The following WNK1 variants were observed in gnomAD, a reference collection of about 807,000 sequenced individuals.
WNK1 encodes WNK lysine deficient protein kinase 1, also known as serine/threonine-protein kinase WNK1.
Under a neutral mutation model 222.8 loss-of-function variants are expected in WNK1, and 38 were observed. The observed-to-expected ratio is 0.17, with a 90% CI of 0.13 to 0.22. The LOEUF is 0.22. Ranked by LOEUF, WNK1 falls within the 10% of genes least tolerant of loss-of-function variation. The pLI is 1.00. For missense variants in WNK1, 2,348 were observed against 2,918.4 expected (o/e 0.80, Z 4.50); for synonymous variants, 1,090 against 1,092.9 (o/e 1.00, Z 0.05).
In WNK1 at chr12:896,337, T is replaced by C. The variant is rs1954731343; in HGVS notation, c.5850T>C (p.Thr1950=). ...AGGTTGGACGTTTTCAGGTGACAAC[T>C]ACAGCAAACAAAGTGGGTCGTTTCT... is the stretch of plus-strand genomic sequence containing the variant. ...PTKVGRFQVT[T]TANKVGRFSV... is the part of the protein sequence containing the mutation. The change falls in exon 24 of 28, where the codon ACT becomes ACC. Residue 1950 remains threonine, a synonymous_variant. Transcript: ENST00000315939. 3 of 1,614,064 alleles carry C rather than the reference T, an allele frequency of 1.9e-6. No individual in the cohort carries two copies. The highest frequency in any genetic ancestry group is 2.7e-5 in the African/African-American group (2 of 74,910).
Position 883,770 on chromosome 12 carries a change from G to A in WNK1, c.3664-4G>A. ...ATGTATTTAATCACTTTTGTTTGTTGTAGAAATTGGAAGGAGAGTTCAAAC... is the reference window on the plus strand; with the variant it reads ...ATGTATTTAATCACTTTTGTTTGTTATAGAAATTGGAAGGAGAGTTCAAAC... On this transcript the variant is annotated splice_region_variant and splice_polypyrimidine_tract_variant and intron_variant, in intron 16 of 27. Transcript: ENST00000315939. 6.2e-7 allele frequency: 1 copy of A among 1,614,108 alleles called. No homozygotes were observed. The highest frequency in any genetic ancestry group is 1.1e-5 in the South Asian group (1 of 91,080).
intron 1 of WNK1, among the ~76,000 whole-genome samples, chr12:756,125 T>C (rs1939992409): frequency 6.6e-6 from 1 of 152,254 alleles, no homozygotes; most frequent in African/African-American, 2.4e-5. Context: ...TATAGTTTTA[T>C]ATTTGAATAG....
chr12:857,261 C>A lies in WNK1; in HGVS notation c.1400+12C>A, dbSNP rs1465749148. 1.6e-5 allele frequency: 25 copies of A among 1,612,360 alleles called. No homozygotes were observed. The highest frequency in any genetic ancestry group is 1.6e-4 in the Middle Eastern group (1 of 6,080). Reference sequence around the variant, plus strand: ...AACAAAGATGAAAGGTAAGTTGCCTCTTTTGATCTGGGTGATACTTGAACA... The same window carrying A: ...AACAAAGATGAAAGGTAAGTTGCCTATTTTGATCTGGGTGATACTTGAACA... On this transcript the variant is annotated intron_variant, in intron 5 of 27. Coordinates refer to ENST00000315939, the MANE Select transcript of WNK1 (RefSeq NM_018979.4).
chr12:869,854 T>G lies in WNK1; in HGVS notation c.2140-1411T>G, dbSNP rs530081076. Among the ~76,000 whole-genome samples, 3 of 152,076 alleles carry G rather than the reference T, an allele frequency of 2.0e-5. No homozygotes were observed. The South Asian group carries it at 6.2e-4, about 32-fold the overall frequency. The stretch of plus-strand genomic sequence containing the variant: ...TAAGAATTTGTGATATGTTGCAAGC[T>G]AAGGAACAGTAGACATCTTAGGCCT... On this transcript the variant is annotated intron_variant, in intron 8 of 27. Transcript: ENST00000315939.
chr12:814,588 T>G (rs1037395197), intron 2 of WNK1, among the ~76,000 whole-genome samples: 5 of 152,134 alleles, frequency 3.3e-5, no homozygotes, highest in African/African-American at 1.2e-4. Flanking sequence ...AGAAATAGGT[T>G]TAATGCAGAA....
intron 1 of WNK1, among the ~76,000 whole-genome samples, chr12:755,756 C>T (rs1031277182): frequency 6.6e-6 from 1 of 152,222 alleles, no homozygotes; most frequent in African/African-American, 2.4e-5. Context: ...GCGGGTGGAT[C>T]ACGGGGTTAG....
At chr12:828,263 G>A (rs954593443) in intron 3 of WNK1, among the ~76,000 whole-genome samples, 2 of 151,916 alleles carry the variant, frequency 1.3e-5, no homozygotes, top group African/African-American at 4.8e-5. Context: ...CTGAGATTGC[G>A]CCACTGCACT....
chr12:844,086 AT>A (rs1949832847), intron 4 of WNK1, among the ~76,000 whole-genome samples: 2 of 152,050 alleles, frequency 1.3e-5, no homozygotes, highest in Admixed American at 6.6e-5. Context: ...GCAATTTTGC[AT>A]TTTTTCTGCC....
chr12:894,579 G>T lies in WNK1; in HGVS notation c.5527G>T (p.Gly1843Cys). Residue 1843 changes from glycine (G) to cysteine (C), a missense_variant, in exon 23 of 28, where the codon GGC becomes TGC. Physicochemically the swap from Gly to Cys is radical, Grantham distance 159. Coordinates refer to ENST00000315939, the MANE Select transcript of WNK1 (RefSeq NM_018979.4). ...TGTTTCAGTTTCTCAAGTCAAAGAAGGCCCTGTCCTAGCAACTAGTTCAGG... is the reference window on the plus strand; with the variant it reads ...TGTTTCAGTTTCTCAAGTCAAAGAATGCCCTGTCCTAGCAACTAGTTCAGG... ...PQKGVSQVKE[G>C]PVLATSSGAG... 1 of 1,613,964 alleles carries T rather than the reference G, an allele frequency of 6.2e-7. No individual in the cohort carries two copies. Among genetic ancestry groups the T allele is most frequent in the Non-Finnish European group, 8.5e-7 (1 of 1,179,916 alleles).
At chr12:856,189 T>C (rs982415914) in intron 4 of WNK1, among the ~76,000 whole-genome samples, 2 of 151,826 alleles carry the variant, frequency 1.3e-5, no homozygotes, top group Non-Finnish European at 2.9e-5. Flanking sequence ...GGCTCACGCC[T>C]GTAATCCCGG....
intron 25 of WNK1, 61 bp from the exon 26 acceptor site, chr12:900,415 G>C: frequency 6.3e-7 from 1 of 1,576,322 alleles, no homozygotes; most frequent in Non-Finnish European, 8.7e-7. Flanking sequence ...TAAGAACAGT[G>C]CCTGATGAGT....
chr12:885,333 G>A lies in WNK1; in HGVS notation c.4529G>A (p.Ser1510Asn). 1.9e-6 allele frequency: 3 copies of A among 1,614,114 alleles called. No homozygotes were observed. Among genetic ancestry groups the A allele is most frequent in the Non-Finnish European group, 2.5e-6 (3 of 1,180,006 alleles). Residue 1510 changes from serine (S) to asparagine (N), a missense_variant, in exon 19 of 28, where the codon AGC (serine) becomes AAC (asparagine). Transcript: ENST00000315939. Reference sequence around the variant, plus strand: ...GCTTCACAGCTGTGCATTCAGCTTAGCAGCAGTACTTCTACTCCTACTTTA... The same window carrying A: ...GCTTCACAGCTGTGCATTCAGCTTAACAGCAGTACTTCTACTCCTACTTTA... The part of the protein sequence containing the change: ...STASQLCIQL[S>N]SSTSTPTLAE...
rs557026265 is a variant in WNK1, at chr12:784,513, T to C, written c.760-29129T>C. 1.1e-4 allele frequency among the ~76,000 whole-genome samples: 16 copies of C among 152,326 alleles called. 1 individual carries two copies. The South Asian group carries it at 2.3e-3, about 22-fold the overall frequency. ...ATTTTTGTTGACATTTATTTTTTAT[T>C]TTTAAAAATAGCATTATTGAAGTAT... On this transcript the variant is annotated intron_variant, in intron 1 of 27. Transcript: ENST00000315939.
chr12:831,042 G>C (rs1049302245), intron 4 of WNK1, among the ~76,000 whole-genome samples: 6 of 152,236 alleles, frequency 3.9e-5, no homozygotes, highest in African/African-American at 1.2e-4. Context: ...TTTTCCTCGT[G>C]GTGTCATTTA....
chr12:887,423 T>C (rs1430782809), intron 20 of WNK1, 119 bp downstream of exon 20: 11 of 922,124 alleles, frequency 1.2e-5, no homozygotes, highest in Non-Finnish European at 1.9e-5. Flanking sequence ...GTAACACCTT[T>C]CTTTTAAAAT....
rs558257200 is a variant in WNK1 at position 835,059 on chromosome 12, C to T, written c.1311+4899C>T. Among the ~76,000 whole-genome samples the T allele has an allele frequency of 1.4e-4, 22 of 152,360 alleles. 1 individual carries two copies. The highest frequency in any genetic ancestry group is 3.3e-4 in the Admixed American group (5 of 15,300). ...ATAGGCTGGGCCTGTAGGCTCACGC[C>T]TGTAATCCCAGCACTTTGGGAAGCC... On this transcript the variant is annotated intron_variant, in intron 4 of 27. Coordinates refer to ENST00000315939, the MANE Select transcript of WNK1 (RefSeq NM_018979.4).
intron 1 of WNK1, among the ~76,000 whole-genome samples, chr12:804,377 C>T (rs574174010): frequency 6.6e-6 from 1 of 152,064 alleles, no homozygotes; most frequent in Admixed American, 6.5e-5. Context: ...CAATTACTAT[C>T]ATCCATATCT....
At chr12:814,685 A>G (rs1228409063) in intron 2 of WNK1, among the ~76,000 whole-genome samples, 2 of 151,976 alleles carry the variant, frequency 1.3e-5, no homozygotes, top group Admixed American at 6.6e-5. Flanking sequence ...GCAGTCCCCA[A>G]CCTTTTTGGC....
In WNK1 at chr12:908,491, G is replaced by A; in HGVS notation, c.6848G>A (p.Arg2283Lys). 1 of 1,614,176 alleles carries A rather than the reference G, an allele frequency of 6.2e-7. No homozygotes were observed. ...HMNYEGPGMARKFSAPGQLCI... is the reference protein window; with the variant it reads ...HMNYEGPGMAKKFSAPGQLCI... ...TGTTTTCAGGGCCCTGGAATGGCAA[G>A]GAAGTTCTCTGCACCTGGGCAACTG... Residue 2283 changes from arginine (R) to lysine (K), a missense_variant, in exon 28 of 28, where the codon AGG becomes AAG. Arg to Lys is a conservative substitution (Grantham distance 26). Around this residue, in one of 13 missense-constraint regions of WNK1, gnomAD observed 55 missense variants for 104.1 expected, o/e 0.53. Transcript: ENST00000315939.
Sources: allele counts gnomAD v4.1 joint callset (sites outside exome capture counted in the v4.1 genomes callset), GRCh38; gene constraint gnomAD v4.1.1; regional missense constraint gnomAD v4.1.1; transcripts MANE v1.5; gene names NCBI Gene and HGNC (gene_info 2026-07-23, HGNC 2026-07-21).